FAM227B: variants seen among roughly 807,000 people sequenced by gnomAD.
FAM227B encodes the protein family with sequence similarity 227 member B, also known as protein FAM227B.
Under a neutral mutation model 73.8 loss-of-function variants are expected in FAM227B, and 88 were observed. That is an observed-to-expected ratio of 1.19 (90% CI 1.00 to 1.42). The LOEUF is 1.42. Among genes scored for constraint, FAM227B ranks in the 40% most tolerant of loss-of-function variants. The pLI is 0.00. For missense variants in FAM227B, 632 were observed against 590.9 expected (o/e 1.07, Z -0.72); for synonymous variants, 210 against 190.5 (o/e 1.10, Z -0.84).
chr15:49,576,024 A>G (rs1181882887), intron 7 of FAM227B: 2 of 152,208 alleles, frequency 1.3e-5, no homozygotes, highest in Non-Finnish European at 2.9e-5. Flanking sequence ...GGTCTATAAA[A>G]AGGACATCAT....
intron 11 of FAM227B, among the ~76,000 whole-genome samples, chr15:49,496,039 A>AAAAT (rs1047708778): frequency 2.0e-5 from 3 of 152,054 alleles, no homozygotes; most frequent in Admixed American, 1.3e-4. Context: ...TAAAATAAAT[A>AAAAT]AAATAAATAA....
intron 11 of FAM227B, among the ~76,000 whole-genome samples, chr15:49,430,127 C>G (rs1261938011): frequency 6.6e-6 from 1 of 151,868 alleles, no homozygotes; most frequent in Non-Finnish European, 1.5e-5. Context: ...CTTAGTGGCT[C>G]CAACATTTGG....
intron 10 of FAM227B, among the ~76,000 whole-genome samples, chr15:49,538,913 A>AT (rs758834536): frequency 1.2e-3 from 157 of 134,722 alleles, no homozygotes; most frequent in Non-Finnish European, 1.7e-3. Context: ...ATTATTTTGA[A>AT]TTCTTTATCA....
chr15:49,390,790 C>T (rs985831017), intron 11 of FAM227B, among the ~76,000 whole-genome samples: 3 of 151,960 alleles, frequency 2.0e-5, no homozygotes, highest in Non-Finnish European at 2.9e-5. Flanking sequence ...TACAAATATA[C>T]TGTCCATTCT....
At chr15:49,562,479 G>A (rs969016001) in intron 9 of FAM227B, among the ~76,000 whole-genome samples, 13 of 151,872 alleles carry the variant, frequency 8.6e-5, no homozygotes, top group South Asian at 4.1e-4. Context: ...GAACCTTAGC[G>A]GGGCTTCTCC....
intron 11 of FAM227B, among the ~76,000 whole-genome samples, chr15:49,375,661 T>C (rs180985013): frequency 7.0e-4 from 107 of 152,238 alleles, no homozygotes; most frequent in African/African-American, 2.3e-3. Context: ...TTGACCCATT[T>C]AAAAATCTTT....
chr15:49,525,665 AATATATATATATATATATATATAT>A (rs57123974), intron 10 of FAM227B, among the ~76,000 whole-genome samples: 1,060 of 81,506 alleles, frequency 0.013, 49 homozygotes, highest in African/African-American at 0.043. Flanking sequence ...AGGGTGGAGA[AATATATATATATATATATATATAT>A]ATATATATAT....
chr15:49,451,043 T>TA, intron 11 of FAM227B, among the ~76,000 whole-genome samples: 1 of 152,240 alleles, frequency 6.6e-6, no homozygotes, highest in South Asian at 2.1e-4. Context: ...GGTTTTTTTT[T>TA]AAATGACAGT....
intron 11 of FAM227B, among the ~76,000 whole-genome samples, chr15:49,418,790 G>GA (rs532940321): frequency 6.1e-5 from 9 of 146,800 alleles, no homozygotes; most frequent in Non-Finnish European, 1.2e-4. Context: ...ATCAAAAAAA[G>GA]AAAAAAAAAG....
intron 5 of FAM227B, among the ~76,000 whole-genome samples, chr15:49,582,724 C>A (rs1456629945): frequency 6.6e-6 from 1 of 152,110 alleles, no homozygotes; most frequent in Non-Finnish European, 1.5e-5. Flanking sequence ...ATCACATAAT[C>A]AGAAGTAAAA....
intron 5 of FAM227B, 36 bp from the exon 6 acceptor site, chr15:49,577,700 A>G (rs191002577): frequency 1.6e-4 from 201 of 1,296,496 alleles, no homozygotes; most frequent in African/African-American, 7.2e-4. Flanking sequence ...TTAAAACTCT[A>G]AATTAAAGAA....
intron 11 of FAM227B, among the ~76,000 whole-genome samples, chr15:49,421,849 C>T (rs1267708734): frequency 6.6e-6 from 1 of 152,108 alleles, no homozygotes. Flanking sequence ...TTAGAGAATA[C>T]ATGATAGGAT....
intron 13 of FAM227B, among the ~76,000 whole-genome samples, chr15:49,358,258 A>T (rs1398790900): frequency 6.8e-6 from 1 of 147,982 alleles, no homozygotes; most frequent in Non-Finnish European, 1.5e-5. Flanking sequence ...AGGAGAAGGA[A>T]ATAAAGGGTA....
chr15:49,329,343 G>A (rs1448758088), intron 15 of FAM227B: 12 of 985,154 alleles, frequency 1.2e-5, no homozygotes, highest in Non-Finnish European at 1.4e-5. Context: ...TAATGATTTG[G>A]ACCAAAAAGT....
At chr15:49,430,604 A>C (rs2050521248) in intron 11 of FAM227B, among the ~76,000 whole-genome samples, 1 of 151,888 alleles carries the variant, frequency 6.6e-6, no homozygotes, top group African/African-American at 2.4e-5. Flanking sequence ...GTCCAATATC[A>C]AGGTAATGGC....
At chr15:49,396,835 A>G (rs1239698919) in intron 11 of FAM227B, among the ~76,000 whole-genome samples, 2 of 151,882 alleles carry the variant, frequency 1.3e-5, no homozygotes, top group Non-Finnish European at 2.9e-5. Flanking sequence ...TCCACACCAA[A>G]AACCCATCTG....
Position 49,575,101 on chromosome 15 carries a change from A to T in FAM227B, c.555T>A (p.Val185=), listed in dbSNP as rs2075365396. The T allele has an allele frequency of 1.3e-6, 2 of 1,581,018 alleles. No individual in the cohort carries two copies. Among genetic ancestry groups the T allele is most frequent in the Non-Finnish European group, 1.7e-6 (2 of 1,160,616 alleles). The stretch of plus-strand genomic sequence containing the variant: ...GAAAATGAGTCTTCCAGATTTTAAA[A>T]ACTCTTTCCTATGGAAAAAAACAAG... The part of the protein sequence containing the change: ...ILKAHNFDER[V]FKIWKTHFLS... The change falls in exon 8 of 16, where the codon GTT becomes GTA. Residue 185 remains valine (V), a synonymous_variant. Coordinates refer to ENST00000299338, the MANE Select transcript of FAM227B (RefSeq NM_152647.3).
intron 10 of FAM227B, among the ~76,000 whole-genome samples, chr15:49,526,177 G>A (rs571579007): frequency 6.8e-4 from 103 of 152,118 alleles, no homozygotes; most frequent in Middle Eastern, 3.4e-3. Context: ...AATAAATTTC[G>A]AAAACTGAAA....
At chr15:49,502,314 G>C (rs1293445608) in intron 11 of FAM227B, among the ~76,000 whole-genome samples, 1 of 152,200 alleles carries the variant, frequency 6.6e-6, no homozygotes, top group Non-Finnish European at 1.5e-5. Context: ...TCAATAACCT[G>C]TGAGAGCAGC....
Sources: gnomAD v4.1 joint callset for allele counts (sites outside exome capture counted in the v4.1 genomes callset) on GRCh38, gnomAD v4.1.1 for gene constraint, MANE v1.5 for transcripts, NCBI Gene and HGNC (gene_info 2026-07-23, HGNC 2026-07-21) for gene names.